The following GTF2A1 variants were observed in gnomAD, a reference collection of about 807,000 sequenced individuals.
GTF2A1 encodes the protein transcription initiation factor IIA subunit 1.
A neutral mutation model predicts 54.1 loss-of-function variants in GTF2A1; 12 were observed. That is an observed-to-expected ratio of 0.22 (90% CI 0.14 to 0.36). The LOEUF is 0.36. GTF2A1 is among the 10% of genes least tolerant of loss of function. The pLI, the probability that GTF2A1 is intolerant of heterozygous loss-of-function variation, is 1.00. For missense variants in GTF2A1, 335 were observed against 442.2 expected (o/e 0.76, Z 2.17); for synonymous variants, 145 against 152.0 (o/e 0.95, Z 0.34).
intron 2 of GTF2A1, chr14:81,209,753 C>T: frequency 2.6e-6 from 1 of 378,078 alleles, no homozygotes. Flanking sequence ...TCCTTACGAT[C>T]AGCAGTTTTC....
At chr14:81,188,643 G>A (rs542259958) in intron 7 of GTF2A1, among the ~76,000 whole-genome samples, 1 of 151,946 alleles carries the variant, frequency 6.6e-6, no homozygotes, top group South Asian at 2.1e-4. Context: ...CGGGCATGGT[G>A]GCGGGCACCT....
At chr14:81,211,993 TG>T (rs1162966282) in intron 2 of GTF2A1, among the ~76,000 whole-genome samples, 2 of 150,838 alleles carry the variant, frequency 1.3e-5, no homozygotes, top group East Asian at 3.9e-4. Flanking sequence ...GAGACATTTT[TG>T]GTTACAACTG....
chr14:81,187,351 T>C (rs1892772944), intron 7 of GTF2A1, among the ~76,000 whole-genome samples: 1 of 140,630 alleles, frequency 7.1e-6, no homozygotes, highest in African/African-American at 3.0e-5. Flanking sequence ...TGAAACTCCG[T>C]CTCAAAAAAA....
chr14:81,196,133 C>A lies in GTF2A1; in HGVS notation c.587G>T (p.Gly196Val), dbSNP rs1406094085. 1 of 1,613,696 alleles carries A rather than the reference C, an allele frequency of 6.2e-7. No individual in the cohort carries two copies. The highest frequency in any genetic ancestry group is 8.5e-7 in the Non-Finnish European group (1 of 1,179,610). Residue 196 changes from glycine to valine, a missense_variant, in exon 6 of 9, where the codon GGA (glycine) becomes GTA (valine). Around this residue, in one of 2 missense-constraint regions of GTF2A1, gnomAD observed 306 missense variants for 360.4 expected, o/e 0.85. Coordinates refer to ENST00000553612, the MANE Select transcript of GTF2A1 (RefSeq NM_015859.4). ...CTGCTGTATAACAGGAGCTTGTACT[C>A]CACCAGGCTGCATTTGTGGTATAAC... ...QQVIPQMQPG[G>V]VQAPVIQQVL...
At chr14:81,207,049 AT>A (rs1191138021) in intron 2 of GTF2A1, among the ~76,000 whole-genome samples, 1 of 152,176 alleles carries the variant, frequency 6.6e-6, no homozygotes, top group Non-Finnish European at 1.5e-5. Flanking sequence ...ATCAAGGCGA[AT>A]TTTTTTAAAT....
chr14:81,193,757 A>C (rs1383390644), intron 6 of GTF2A1, among the ~76,000 whole-genome samples: 1 of 152,218 alleles, frequency 6.6e-6, no homozygotes, highest in Admixed American at 6.5e-5. Flanking sequence ...TTGAAAAAAT[A>C]TATACTAACA....
At chr14:81,188,777 G>GA (rs11307846) in intron 7 of GTF2A1, among the ~76,000 whole-genome samples, 2 of 144,704 alleles carry the variant, frequency 1.4e-5, no homozygotes, top group East Asian at 2.0e-4. Context: ...ACTCTGTCTC[G>GA]AAAAAAAAAA....
At position 81,194,246 on chromosome 14, in the gene GTF2A1, C is replaced by T. The variant is rs570483330; in HGVS notation, c.613-1407G>A. On this transcript the variant is annotated intron_variant, in intron 6 of 8. Transcript: ENST00000553612. ...TGCACATGCAAGGATGGAGGTTGTG[C>T]ACTCCTTATGCCTGATGACCTGAAT... Among the ~76,000 whole-genome samples the T allele has an allele frequency of 3.5e-4, 53 of 152,324 alleles. 1 individual carries two copies. In the South Asian group the frequency reaches 0.011, roughly 32 times the overall value.
chr14:81,214,136 C>G (rs1893434076), intron 2 of GTF2A1, among the ~76,000 whole-genome samples: 1 of 152,072 alleles, frequency 6.6e-6, no homozygotes, highest in African/African-American at 2.4e-5. Context: ...AATAAATACG[C>G]CAAGACCTAC....
rs1356595670 is a variant in GTF2A1 at position 81,177,446 on chromosome 14, T to A, written c.*2777A>T. ...CATTCAAATGGTCTGATTACCCAAA[T>A]GGCCACCAAGCAAGAGTTTGTATAC... On this transcript the variant is annotated 3_prime_UTR_variant, in exon 9 of 9. Transcript: ENST00000553612. 7 of 152,138 alleles carry A rather than the reference T, an allele frequency of 4.6e-5. No individual in the cohort carries two copies. The highest frequency in any genetic ancestry group is 1.0e-4 in the Non-Finnish European group (7 of 67,956). 9.4% of individuals were successfully genotyped at this position (152,138 alleles called of 1,614,324 possible).
At position 81,204,067 on chromosome 14, in the gene GTF2A1, T is replaced by A. The variant is rs1195660576; in HGVS notation, c.170A>T (p.Asp57Val). 6.2e-7 allele frequency: 1 copy of A among 1,613,780 alleles called. No homozygotes were observed. The highest frequency in any genetic ancestry group is 1.7e-5 in the Admixed American group (1 of 60,018). ...CTGCTGCTCTTCTGAATGAAATCCA[T>A]CTACTGCCCTGGACTGCATTAGTTT... ...ENKLMQSRAV[D>V]GFHSEEQQLL... The change falls in exon 3 of 9, where the codon GAT becomes GTT. Residue 57 changes from aspartate to valine, a missense_variant. Physicochemically the swap from Asp to Val is radical, Grantham distance 152. Coordinates refer to ENST00000553612, the MANE Select transcript of GTF2A1 (RefSeq NM_015859.4).
At chr14:81,216,795 T>A (rs2140044315) in intron 1 of GTF2A1, among the ~76,000 whole-genome samples, 1 of 152,358 alleles carries the variant, frequency 6.6e-6, no homozygotes, top group South Asian at 2.1e-4. Flanking sequence ...ATACCTAATG[T>A]AATGTTCAAT....
At chr14:81,201,924 C>G (rs1195894537) in intron 3 of GTF2A1, among the ~76,000 whole-genome samples, 2 of 152,050 alleles carry the variant, frequency 1.3e-5, no homozygotes, top group Non-Finnish European at 1.5e-5. Context: ...CTTTGGGAGG[C>G]CAAGGCGGGT....
chr14:81,201,377 A>G (rs186395780), intron 4 of GTF2A1, among the ~76,000 whole-genome samples: 26 of 152,302 alleles, frequency 1.7e-4, no homozygotes, highest in African/African-American at 6.0e-4. Flanking sequence ...ACAAAGCACC[A>G]TTCTTTTGGT....
chr14:81,217,045 C>T (rs1893502642), intron 1 of GTF2A1, among the ~76,000 whole-genome samples: 1 of 152,212 alleles, frequency 6.6e-6, no homozygotes, highest in South Asian at 2.1e-4. Flanking sequence ...CATACACTCA[C>T]AATGGCAGGT....
At chr14:81,201,806 T>G in intron 3 of GTF2A1, 148 bp from the exon 4 acceptor site, 1 of 625,602 alleles carries the variant, frequency 1.6e-6, no homozygotes, top group Non-Finnish European at 2.9e-6. Context: ...TCTCAGGACA[T>G]TATAAATGTA....
intron 7 of GTF2A1, among the ~76,000 whole-genome samples, chr14:81,191,069 C>T (rs765672655): frequency 2.2e-4 from 34 of 152,052 alleles, no homozygotes; most frequent in Non-Finnish European, 3.5e-4. Flanking sequence ...ATACAAAACA[C>T]AAATATCAAA....
intron 1 of GTF2A1, among the ~76,000 whole-genome samples, chr14:81,218,384 T>C (rs1202646316): frequency 6.6e-6 from 1 of 152,160 alleles, no homozygotes; most frequent in African/African-American, 2.4e-5. Context: ...ATAAGCCCTA[T>C]AGGTGAAGGA....
intron 2 of GTF2A1, chr14:81,210,075 T>G (rs548208479): frequency 6.3e-4 from 208 of 330,542 alleles, no homozygotes; most frequent in African/African-American, 4.3e-3. Flanking sequence ...ATTGCAACAT[T>G]CCTGGCTCCT....
Sources: gnomAD v4.1 joint callset for allele counts (sites outside exome capture counted in the v4.1 genomes callset) on GRCh38, gnomAD v4.1.1 for gene constraint, gnomAD v4.1.1 regional missense constraint, MANE v1.5 for transcripts, NCBI Gene and HGNC (gene_info 2026-07-23, HGNC 2026-07-21) for gene names.